The following MCTP2 variants were observed in gnomAD, a reference collection of about 807,000 sequenced individuals.
MCTP2 encodes multiple C2 and transmembrane domain containing 2.
MCTP2 carries 132 observed loss-of-function variants against 111.6 expected under a neutral mutation model. The ratio of observed to expected loss-of-function variants is 1.18; its 90% CI spans 1.03 to 1.37. MCTP2 has a LOEUF of 1.37. MCTP2 is among the 40% of genes most tolerant of loss of function. The pLI is 0.00. For missense variants in MCTP2, 1,183 were observed against 1,067.9 expected (o/e 1.11, Z -1.50); for synonymous variants, 395 against 387.7 (o/e 1.02, Z -0.22).
intron 2 of MCTP2, among the ~76,000 whole-genome samples, chr15:94,312,970 G>A (rs935776446): frequency 1.3e-5 from 2 of 152,132 alleles, no homozygotes; most frequent in African/African-American, 4.8e-5. Context: ...TGTCCAGGTG[G>A]TCACTGTGCA....
intron 14 of MCTP2, among the ~76,000 whole-genome samples, chr15:94,386,495 C>G (rs779683512): frequency 4.6e-5 from 7 of 152,168 alleles, no homozygotes; most frequent in Non-Finnish European, 1.0e-4. Flanking sequence ...ATAATTTCTC[C>G]CCGAGTTCTC....
chr15:94,349,620 A>G (rs147259011), intron 8 of MCTP2, among the ~76,000 whole-genome samples: 2,455 of 152,150 alleles, frequency 0.016, 74 homozygotes, highest in African/African-American at 0.056. Context: ...GGAGATCGAG[A>G]CCATCCTGGT....
At chr15:94,446,427 C>A (rs1051434051) in intron 19 of MCTP2, among the ~76,000 whole-genome samples, 4 of 152,084 alleles carry the variant, frequency 2.6e-5, no homozygotes, top group African/African-American at 9.7e-5. Context: ...CCATGTGGAC[C>A]TTATTTGTAC....
At chr15:94,273,509 G>T (rs926383829) in intron 1 of MCTP2, 2 of 176,228 alleles carry the variant, frequency 1.1e-5, no homozygotes, top group East Asian at 1.4e-4. Flanking sequence ...AAGTTCAATC[G>T]CTTGGTGACC....
Position 94,356,291 on chromosome 15 carries a change from A to G in MCTP2, c.1160A>G (p.Tyr387Cys). 6.2e-7 allele frequency: 1 copy of G among 1,604,788 alleles called. No individual in the cohort carries two copies. Among genetic ancestry groups the G allele is most frequent in the Admixed American group, 1.7e-5 (1 of 58,618 alleles). Residue 387 changes from tyrosine (Y) to cysteine (C), a missense_variant, in exon 9 of 23, where the codon TAT (tyrosine) becomes TGT (cysteine). By Grantham distance (194) the Tyr-to-Cys change is radical. Coordinates refer to ENST00000357742, the MANE Select transcript of MCTP2 (RefSeq NM_001385001.1). ...CAGTTAAAACTGGGAGATCAGAGGT[A>G]TAAAAGTAAGGTAAGTTCCATCTTT... ...FVQLKLGDQR[Y>C]KSKTLCKSAN...
intron 12 of MCTP2, among the ~76,000 whole-genome samples, chr15:94,375,588 A>C (rs1047172989): frequency 3.3e-5 from 5 of 152,204 alleles, no homozygotes; most frequent in African/African-American, 1.2e-4. Flanking sequence ...ACAAACAAAT[A>C]AAACCCAGCC....
At chr15:94,474,928 A>G (rs534816542) in intron 21 of MCTP2, among the ~76,000 whole-genome samples, 27 of 151,548 alleles carry the variant, frequency 1.8e-4, no homozygotes, top group Non-Finnish European at 3.4e-4. Context: ...GGTGCATTTG[A>G]GCTACTGTGC....
At position 94,271,272 on chromosome 15, in the gene MCTP2, T is replaced by C. The variant is rs78096458; in HGVS notation, c.-65-26929T>C. ...GCAAGATATACCACACATTAGGTTG[T>C]CCAAAAATTGGATTTCTCTACTCAC... On this transcript the variant is annotated intron_variant, in intron 1 of 22. Coordinates refer to ENST00000357742, the MANE Select transcript of MCTP2 (RefSeq NM_001385001.1). Among the ~76,000 whole-genome samples the C allele has an allele frequency of 4.1e-3, 629 of 152,342 alleles. 2 individuals carry two copies. Among genetic ancestry groups the C allele is most frequent in the African/African-American group, 0.014 (576 of 41,592 alleles).
chr15:94,407,706 A>G (rs1213717275), intron 17 of MCTP2, among the ~76,000 whole-genome samples: 1 of 151,866 alleles, frequency 6.6e-6, no homozygotes, highest in African/African-American at 2.4e-5. Flanking sequence ...ATGTGAAGTA[A>G]TTTCACATAG....
chr15:94,329,980 G>C (rs1414516712), intron 4 of MCTP2, among the ~76,000 whole-genome samples: 1 of 152,014 alleles, frequency 6.6e-6, no homozygotes, highest in East Asian at 1.9e-4. Flanking sequence ...CCTTCACTTG[G>C]AAAAAAGTCT....
In MCTP2 at chr15:94,478,947, C is replaced by T. The variant is rs375192588; in HGVS notation, c.2569-19C>T. ...TAGGGTTACCTAACCGCCAGCATCA[C>T]GGCTATTTGTTTTCACAGGTGCAGT... On this transcript the variant is annotated intron_variant, in intron 22 of 22. Coordinates refer to ENST00000357742, the MANE Select transcript of MCTP2 (RefSeq NM_001385001.1). 29 of 1,612,966 alleles carry T rather than the reference C, an allele frequency of 1.8e-5. No homozygotes were observed. Among genetic ancestry groups the T allele is most frequent in the South Asian group, 6.6e-5 (6 of 91,004 alleles).
chr15:94,437,184 T>G (rs577706962), intron 17 of MCTP2, among the ~76,000 whole-genome samples: 1 of 147,262 alleles, frequency 6.8e-6, no homozygotes, highest in Non-Finnish European at 1.5e-5. Flanking sequence ...AAAAAGAGGT[T>G]TAGCACTAGG....
At chr15:94,476,365 C>T (rs910897403) in intron 21 of MCTP2, 2 of 174,860 alleles carry the variant, frequency 1.1e-5, no homozygotes, top group African/African-American at 4.8e-5. Context: ...TTTCTGTCGC[C>T]CTGCTGCTGG....
At chr15:94,245,376 ATGTATATGTATTTATATACATG>A (rs1596160225) in intron 1 of MCTP2, among the ~76,000 whole-genome samples, 1 of 129,276 alleles carries the variant, frequency 7.7e-6, no homozygotes, top group East Asian at 2.4e-4. Context: ...TTACATACAT[ATGTATATGTATTTATATACATG>A]TGTGTATATA....
intron 1 of MCTP2, among the ~76,000 whole-genome samples, chr15:94,277,127 A>G (rs182629701): frequency 2.7e-4 from 41 of 152,314 alleles, no homozygotes; most frequent in Non-Finnish European, 4.0e-4. Context: ...ATAAAAGTCA[A>G]TTGCTTTTCT....
rs1392084064 is a variant in MCTP2, at chr15:94,480,562, A to G, written c.*1528A>G. On this transcript the variant is annotated 3_prime_UTR_variant, in exon 23 of 23. Coordinates refer to ENST00000357742, the MANE Select transcript of MCTP2 (RefSeq NM_001385001.1). ...GCTCCAGTAAATCTCGTAGTTGTAC[A>G]TACAATAGATACCCAAGAACCTCTT... 1 of 152,250 alleles carries G rather than the reference A, an allele frequency of 6.6e-6. No individual in the cohort carries two copies. Among genetic ancestry groups the G allele is most frequent in the East Asian group, 1.9e-4 (1 of 5,200 alleles). The allele number at this position is 152,250 out of a possible 1,614,324, so 9.4% of individuals were successfully genotyped here.
intron 7 of MCTP2, chr15:94,342,950 A>C (rs1480048003): frequency 6.6e-6 from 1 of 150,424 alleles, no homozygotes; most frequent in Admixed American, 6.7e-5. Context: ...ATATATATGG[A>C]TACATGTATA....
chr15:94,347,061 C>G (rs1159316484), intron 8 of MCTP2, among the ~76,000 whole-genome samples: 1 of 151,992 alleles, frequency 6.6e-6, no homozygotes. Context: ...GCTACTTATG[C>G]TCTTATTCAA....
At chr15:94,467,154 TGAAAGCACA>T (rs1169636400) in intron 20 of MCTP2, among the ~76,000 whole-genome samples, 4 of 152,142 alleles carry the variant, frequency 2.6e-5, no homozygotes, top group Non-Finnish European at 5.9e-5. Flanking sequence ...GATGGGAAAA[TGAAAGCACA>T]GAGTGGTGGG....
Sources: gnomAD v4.1 joint callset for allele counts (sites outside exome capture counted in the v4.1 genomes callset) on GRCh38, gnomAD v4.1.1 for gene constraint, MANE v1.5 for transcripts, NCBI Gene and HGNC (gene_info 2026-07-23, HGNC 2026-07-21) for gene names.